LBR: variants seen among roughly 807,000 people sequenced by gnomAD.
LBR encodes the protein lamin B receptor, also known as delta(14)-sterol reductase LBR.
Under a neutral mutation model 74.3 loss-of-function variants are expected in LBR, and 28 were observed. That is an observed-to-expected ratio of 0.38 (90% confidence interval 0.28 to 0.52). The LOEUF (loss-of-function observed/expected upper bound fraction) is 0.52. LBR is among the 20% of genes least tolerant of loss of function. The pLI is 0.89. For synonymous variants in LBR, 228 were observed against 269.3 expected (o/e 0.85, Z 1.50); for missense variants, 717 against 760.3 (o/e 0.94, Z 0.67).
At chr1:225,419,827 A>G in intron 3 of LBR, 29 bp from the exon 4 acceptor site, 1 of 1,420,910 alleles carries the variant, frequency 7.0e-7, no homozygotes, top group Non-Finnish European at 9.9e-7. Flanking sequence ...ACATTTAATC[A>G]AAAGAACTGT....
intron 3 of LBR, among the ~76,000 whole-genome samples, chr1:225,420,690 G>A (rs939024794): frequency 1.9e-4 from 29 of 151,638 alleles, no homozygotes; most frequent in African/African-American, 7.0e-4. Context: ...GTCCCGGGGT[G>A]GTAAAGAGAG....
At chr1:225,403,870 T>TTCCCCCAGC (rs1348273575) in intron 13 of LBR, among the ~76,000 whole-genome samples, 1 of 36,858 alleles carries the variant, frequency 2.7e-5, no homozygotes, top group Non-Finnish European at 5.1e-5. Flanking sequence ...GCTCCCCCAG[T>TTCCCCCAGC]TCCCCCAGCT....
rs2096128678 is a variant in LBR at position 225,422,186 on chromosome 1, G to T, written c.257C>A (p.Ser86Tyr). 4 of 1,613,526 alleles carry T rather than the reference G, an allele frequency of 2.5e-6. No homozygotes were observed. The highest frequency in any genetic ancestry group is 3.4e-6 in the Non-Finnish European group (4 of 1,179,492). The stretch of plus-strand genomic sequence containing the variant: ...GGCACTTTTAGGTGGTCGACCAGGG[G>T]ATCGGGAGCGTGACCTTGATCGACT... The part of the protein sequence containing the change: ...RGSRSRSRSR[S>Y]PGRPPKSARR... The change falls in exon 3 of 14, where the codon TCC (serine) becomes TAC (tyrosine). Residue 86 changes from serine (S) to tyrosine (Y), a missense_variant. By Grantham distance (144) the Ser-to-Tyr change is moderately radical. Transcript: ENST00000272163.
intron 1 of LBR, among the ~76,000 whole-genome samples, 178 bp from the exon 2 acceptor site, chr1:225,424,267 C>T (rs145759555): frequency 2.8e-4 from 42 of 152,256 alleles, no homozygotes; most frequent in African/African-American, 8.7e-4. Context: ...TTAGCCACTG[C>T]GTTATCTATG....
chr1:225,408,154 T>C (rs1345665511), intron 10 of LBR, among the ~76,000 whole-genome samples: 4 of 152,210 alleles, frequency 2.6e-5, no homozygotes, highest in African/African-American at 9.6e-5. Context: ...GTGGTAATTT[T>C]GTATCCTTTA....
intron 6 of LBR, among the ~76,000 whole-genome samples, chr1:225,417,315 TAA>T (rs2096119220): frequency 6.6e-6 from 1 of 152,174 alleles, no homozygotes; most frequent in Non-Finnish European, 1.5e-5. Flanking sequence ...ATAAGATCTT[TAA>T]ATAAATTATT....
chr1:225,414,697 T>C (rs1276475634), intron 7 of LBR, among the ~76,000 whole-genome samples: 2 of 152,180 alleles, frequency 1.3e-5, no homozygotes, highest in Admixed American at 6.6e-5. Context: ...TCCTAGCCCA[T>C]GAAGCCACAT....
At chr1:225,415,840 C>G (rs2096116083) in intron 6 of LBR, among the ~76,000 whole-genome samples, 1 of 152,140 alleles carries the variant, frequency 6.6e-6, no homozygotes, top group Non-Finnish European at 1.5e-5. Context: ...ACTTGCTCTG[C>G]TATATATTAT....
At chr1:225,413,338 G>A (rs1322252271) in intron 7 of LBR, among the ~76,000 whole-genome samples, 2 of 152,302 alleles carry the variant, frequency 1.3e-5, no homozygotes, top group Non-Finnish European at 1.5e-5. Flanking sequence ...CTCTCGTTCC[G>A]GGCTAGTCCT....
chr1:225,404,232 C>T (rs935764920), intron 13 of LBR, among the ~76,000 whole-genome samples, 172 bp downstream of exon 13: 5 of 152,064 alleles, frequency 3.3e-5, no homozygotes, highest in Admixed American at 2.6e-4. Flanking sequence ...TCTGTGAATT[C>T]CCAATTCCCC....
At chr1:225,424,957 C>T (rs1346648600) in intron 1 of LBR, among the ~76,000 whole-genome samples, 4 of 152,204 alleles carry the variant, frequency 2.6e-5, no homozygotes, top group Admixed American at 2.0e-4. Flanking sequence ...AAAACCAGGG[C>T]TGCCGACCTT....
At chr1:225,413,771 G>A (rs911851737) in intron 7 of LBR, 13 of 337,294 alleles carry the variant, frequency 3.9e-5, no homozygotes, top group African/African-American at 2.2e-4. Flanking sequence ...GTAAAATCTC[G>A]AAAAGAAATC....
intron 1 of LBR, among the ~76,000 whole-genome samples, chr1:225,424,563 G>C (rs1426850763): frequency 6.6e-6 from 1 of 152,148 alleles, no homozygotes; most frequent in Non-Finnish European, 1.5e-5. Flanking sequence ...CCAACAATAG[G>C]AAGAAAAATA....
intron 1 of LBR, among the ~76,000 whole-genome samples, chr1:225,426,817 A>C (rs2096140107): frequency 6.6e-6 from 1 of 152,212 alleles, no homozygotes; most frequent in Non-Finnish European, 1.5e-5. Flanking sequence ...CTGTAAAGGC[A>C]GAAGCGCCTT....
At chr1:225,413,203 G>A (rs560908929) in intron 7 of LBR, among the ~76,000 whole-genome samples, 1 of 152,302 alleles carries the variant, frequency 6.6e-6, no homozygotes, top group South Asian at 2.1e-4. Flanking sequence ...CAGAAAAGAT[G>A]CCACAACACA....
Position 225,422,088 on chromosome 1 carries a change from G to C in LBR, c.355C>G (p.Pro119Ala). ...ATAAACACAAGTACCAGAATCAGCG[G>C]AGTCAATTTAACTTCCACTTCCCTC... ...ARREVEVKLT[P>A]LILKPFGNSI... The change falls in exon 3 of 14, where the codon CCG becomes GCG. Residue 119 changes from proline to alanine, a missense_variant. Physicochemically the swap from Pro to Ala is conservative, Grantham distance 27 (BLOSUM62 -1). Coordinates refer to ENST00000272163, the MANE Select transcript of LBR (RefSeq NM_002296.4). The C allele has an allele frequency of 6.2e-7, 1 of 1,614,044 alleles. No individual in the cohort carries two copies. The highest frequency in any genetic ancestry group is 8.5e-7 in the Non-Finnish European group (1 of 1,180,000).
intron 6 of LBR, 65 bp from the exon 7 acceptor site, chr1:225,415,397 C>G (rs1289424432): frequency 1.6e-5 from 13 of 796,532 alleles, no homozygotes; most frequent in Admixed American, 4.6e-5. Flanking sequence ...TATATACACA[C>G]ACACATATAT....
At chr1:225,410,927 ACTACGGTTTC>A (rs1199621131) in intron 9 of LBR, among the ~76,000 whole-genome samples, 1 of 152,178 alleles carries the variant, frequency 6.6e-6, no homozygotes, top group Non-Finnish European at 1.5e-5. Flanking sequence ...TCATCACTAC[ACTACGGTTTC>A]CTCCAAGGTT....
intron 11 of LBR, among the ~76,000 whole-genome samples, chr1:225,405,179 T>G (rs1229637420): frequency 6.6e-6 from 1 of 152,232 alleles, no homozygotes; most frequent in Non-Finnish European, 1.5e-5. Flanking sequence ...TAGCTTAGAA[T>G]CAGCACCAAA....
Sources: allele counts gnomAD v4.1 joint callset (sites outside exome capture counted in the v4.1 genomes callset), GRCh38; gene constraint gnomAD v4.1.1; transcripts MANE v1.5; gene names NCBI Gene and HGNC (gene_info 2026-07-23, HGNC 2026-07-21).